Variants in CAMK4 observed in about 807,000 individuals in gnomAD.
CAMK4 encodes the protein calcium/calmodulin dependent protein kinase IV, also known as calcium/calmodulin-dependent protein kinase type IV.
In CAMK4, 22 loss-of-function variants were observed where a neutral mutation model predicts 44.9. That is an observed-to-expected ratio of 0.49 (90% CI 0.35 to 0.70). The LOEUF (loss-of-function observed/expected upper bound fraction) is 0.70, where lower values mean the gene tolerates loss of function less well. Among genes scored for constraint, CAMK4 ranks in the 30% least tolerant of loss-of-function variants. The pLI, the probability that CAMK4 is intolerant of heterozygous loss-of-function variation, is 0.01. For synonymous variants in CAMK4, 218 were observed against 215.4 expected (o/e 1.01, Z -0.11); for missense variants, 498 against 586.8 (o/e 0.85, Z 1.56).
chr5:111,342,184 G>A (rs1038657089), intron 1 of CAMK4, among the ~76,000 whole-genome samples: 12 of 151,180 alleles, frequency 7.9e-5, no homozygotes, highest in Non-Finnish European at 1.5e-4. Context: ...CTGAGAGTTT[G>A]TCTGCTTTTG....
chr5:111,296,795 C>T (rs903032256), intron 1 of CAMK4, among the ~76,000 whole-genome samples: 1 of 152,300 alleles, frequency 6.6e-6, no homozygotes, highest in East Asian at 1.9e-4. Flanking sequence ...AGCCAAATGC[C>T]TGCAGAGCCA....
chr5:111,361,355 T>C (rs1030062441), intron 2 of CAMK4, among the ~76,000 whole-genome samples: 1 of 152,052 alleles, frequency 6.6e-6, no homozygotes, highest in African/African-American at 2.4e-5. Flanking sequence ...TATAATATTG[T>C]GCCCCTTTAA....
chr5:111,426,011 C>T (rs1461801721), intron 5 of CAMK4, among the ~76,000 whole-genome samples: 1 of 151,968 alleles, frequency 6.6e-6, no homozygotes, highest in African/African-American at 2.4e-5. Flanking sequence ...TATTTTTAAT[C>T]CTTGAATCCT....
intron 1 of CAMK4, among the ~76,000 whole-genome samples, chr5:111,320,752 C>T (rs1650787): frequency 0.42 from 63,235 of 151,990 alleles, 13,666 homozygotes; most frequent in Middle Eastern, 0.55. Flanking sequence ...GTGATCCACC[C>T]GCCTCGGCCT....
chr5:111,350,299 G>C (rs1750041575), intron 2 of CAMK4, among the ~76,000 whole-genome samples: 1 of 151,990 alleles, frequency 6.6e-6, no homozygotes, highest in Admixed American at 6.6e-5. Context: ...AAGAGTACCA[G>C]TTCATTCTAT....
intron 1 of CAMK4, among the ~76,000 whole-genome samples, chr5:111,308,847 A>G (rs901079119): frequency 1.3e-5 from 2 of 152,248 alleles, no homozygotes; most frequent in African/African-American, 4.8e-5. Context: ...CAGTAATCTT[A>G]AAATTACATG....
At chr5:111,235,854 C>G (rs1748688361) in intron 1 of CAMK4, among the ~76,000 whole-genome samples, 1 of 152,120 alleles carries the variant, frequency 6.6e-6, no homozygotes, top group Non-Finnish European at 1.5e-5. Flanking sequence ...GGAGCCACCT[C>G]TAAGGGGAGA....
At chr5:111,339,973 T>C (rs938744688) in intron 1 of CAMK4, among the ~76,000 whole-genome samples, 1 of 151,264 alleles carries the variant, frequency 6.6e-6, no homozygotes. Context: ...GTATTTTATA[T>C]CTTTATCTAT....
chr5:111,429,258 AAGAG>A (rs1179405151), intron 5 of CAMK4, among the ~76,000 whole-genome samples: 1 of 152,184 alleles, frequency 6.6e-6, no homozygotes, highest in Non-Finnish European at 1.5e-5. Flanking sequence ...CTAAGAAAAA[AAGAG>A]AGAAGATCCA....
intron 5 of CAMK4, among the ~76,000 whole-genome samples, chr5:111,411,897 T>C (rs1752645057): frequency 6.6e-6 from 1 of 152,090 alleles, no homozygotes. Context: ...ATTAAAAGGG[T>C]ATGGAAGATA....
rs1755961447 is a variant in CAMK4 at position 111,493,985 on chromosome 5, T to G, written c.*9519T>G. On this transcript the variant is annotated 3_prime_UTR_variant, in exon 11 of 11. Coordinates refer to ENST00000282356, the MANE Select transcript of CAMK4 (RefSeq NM_001744.6). This position sits in a 1 kb window ranked among gnomAD's most constrained non-coding sequence, Gnocchi z 4.1. The stretch of plus-strand genomic sequence containing the variant: ...ACATTGAGAAAGGAAAACTTCCTAC[T>G]TGGGCTTTTCAGGCTTATGTGACAT... The G allele has an allele frequency of 1.3e-5, 2 of 152,204 alleles. No homozygotes were observed. Among genetic ancestry groups the G allele is most frequent in the Non-Finnish European group, 2.9e-5 (2 of 68,032 alleles). The allele number at this position is 152,204 out of a possible 1,614,324, so 9.4% of individuals were successfully genotyped here.
At chr5:111,451,966 A>G (rs1191196611) in intron 7 of CAMK4, among the ~76,000 whole-genome samples, 2 of 152,230 alleles carry the variant, frequency 1.3e-5, no homozygotes, top group Non-Finnish European at 1.5e-5. Context: ...ACTCAATATT[A>G]ACAGCCTCCT....
In CAMK4 at chr5:111,395,930, C is replaced by T. The variant is rs138641961; in HGVS notation, c.459+1148C>T. ...AAAATATATCCAGAATTAAGATATA[C>T]TCTATTATTCGGAGTTAGTTATTTA... is the stretch of plus-strand genomic sequence containing the variant. On this transcript the variant is annotated intron_variant, in intron 5 of 10. Transcript: ENST00000282356. Among the ~76,000 whole-genome samples, 792 of 152,204 alleles carry T rather than the reference C, an allele frequency of 5.2e-3. 8 individuals carry two copies. The highest frequency in any genetic ancestry group is 0.018 in the African/African-American group (732 of 41,524).
chr5:111,326,356 G>A (rs1300793651), intron 1 of CAMK4, among the ~76,000 whole-genome samples: 1 of 151,692 alleles, frequency 6.6e-6, no homozygotes, highest in Non-Finnish European at 1.5e-5. Flanking sequence ...TAAATTAAAT[G>A]GAAAATTTTC....
intron 1 of CAMK4, among the ~76,000 whole-genome samples, chr5:111,289,085 G>A (rs1424488624): frequency 6.6e-6 from 1 of 152,308 alleles, no homozygotes; most frequent in East Asian, 1.9e-4. Context: ...GGTGGCTCAT[G>A]CCTGTAATCC....
At chr5:111,388,720 A>G (rs149171956) in intron 4 of CAMK4, among the ~76,000 whole-genome samples, 7 of 152,308 alleles carry the variant, frequency 4.6e-5, no homozygotes, top group Admixed American at 2.0e-4. Context: ...GGCCATGTCC[A>G]GTTCACTACT....
chr5:111,325,719 TG>T (rs1748855925), intron 1 of CAMK4, among the ~76,000 whole-genome samples: 1 of 152,068 alleles, frequency 6.6e-6, no homozygotes, highest in Non-Finnish European at 1.5e-5. Context: ...CACTTTTTGA[TG>T]GGGTTGTTTT....
chr5:111,268,890 A>C (rs781109132), intron 1 of CAMK4, among the ~76,000 whole-genome samples: 4 of 151,918 alleles, frequency 2.6e-5, no homozygotes, highest in Admixed American at 6.5e-5. Context: ...TTGAAAAGGA[A>C]AGATTATAGA....
intron 3 of CAMK4, among the ~76,000 whole-genome samples, chr5:111,376,652 A>T (rs1561449213): frequency 6.6e-6 from 1 of 152,106 alleles, no homozygotes; most frequent in Non-Finnish European, 1.5e-5. Flanking sequence ...ATTTTATAGG[A>T]ACTTTGAAAA....
Sources: gnomAD v4.1 joint callset for allele counts (sites outside exome capture counted in the v4.1 genomes callset) on GRCh38, gnomAD v4.1.1 for gene constraint, Gnocchi (gnomAD v3.1) non-coding constraint, MANE v1.5 for transcripts, NCBI Gene and HGNC (gene_info 2026-07-23, HGNC 2026-07-21) for gene names.